NKAIN3: variants seen among roughly 807,000 people sequenced by gnomAD.
NKAIN3 encodes the protein sodium/potassium transporting ATPase interacting 3.
In NKAIN3, 25 loss-of-function variants were observed where a neutral mutation model predicts 30.2. The ratio of observed to expected loss-of-function variants is 0.83; its 90% CI spans 0.60 to 1.16. The LOEUF is 1.16. Among genes scored for constraint, NKAIN3 ranks in the 50% most tolerant of loss-of-function variants. The probability of loss-of-function intolerance (pLI) is 0.00; values close to 1 mark genes in which losing one functional copy is unlikely to be tolerated. For missense variants in NKAIN3, 225 were observed against 254.1 expected (o/e 0.89, Z 0.78); for synonymous variants, 91 against 89.6 (o/e 1.02, Z -0.09).
intron 1 of NKAIN3, among the ~76,000 whole-genome samples, chr8:62,283,493 A>G (rs1175633192): frequency 6.6e-6 from 1 of 152,178 alleles, no homozygotes; most frequent in Non-Finnish European, 1.5e-5. Flanking sequence ...ATCCCTTACT[A>G]GAAAATTTTC....
At chr8:62,846,281 T>G (rs1819686312) in intron 4 of NKAIN3, among the ~76,000 whole-genome samples, 1 of 152,190 alleles carries the variant, frequency 6.6e-6, no homozygotes, top group Non-Finnish European at 1.5e-5. Flanking sequence ...AGTTCCCTTT[T>G]AAATAACAGA....
At chr8:62,560,864 G>A (rs191959810) in intron 1 of NKAIN3, among the ~76,000 whole-genome samples, 2 of 152,040 alleles carry the variant, frequency 1.3e-5, no homozygotes, top group Admixed American at 6.6e-5. Flanking sequence ...CCTTTCTGTT[G>A]TAGATCCTAT....
chr8:62,466,059 A>G (rs1223031670), intron 1 of NKAIN3, among the ~76,000 whole-genome samples: 2 of 152,068 alleles, frequency 1.3e-5, no homozygotes, highest in African/African-American at 4.8e-5. Context: ...GTTTTGAGAG[A>G]CACGATAGCA....
chr8:62,824,830 G>A (rs971061758), intron 4 of NKAIN3, among the ~76,000 whole-genome samples: 3 of 152,108 alleles, frequency 2.0e-5, no homozygotes, highest in African/African-American at 7.2e-5. Flanking sequence ...AACTGCACTA[G>A]AATTAGCCCC....
chr8:62,808,809 G>A (rs1818389134), intron 4 of NKAIN3, among the ~76,000 whole-genome samples: 1 of 152,004 alleles, frequency 6.6e-6, no homozygotes, highest in East Asian at 1.9e-4. Flanking sequence ...TGTCCCACTG[G>A]GCATGCATTG....
rs373601599 is a variant in NKAIN3 at position 62,720,879 on chromosome 8, A to C, written c.274-26053A>C. Among the ~76,000 whole-genome samples the C allele has an allele frequency of 3.3e-5, 5 of 152,328 alleles. No individual in the cohort carries two copies. The South Asian group carries it at 1.0e-3, about 32-fold the overall frequency. ...GCTGATATGTTTTCAGCACCCTTTC[A>C]CTTAACTGTACTTTGGAGTTTTTGC... On this transcript the variant is annotated intron_variant, in intron 3 of 6. Coordinates refer to ENST00000623646, the MANE Select transcript of NKAIN3 (RefSeq NM_001304533.3).
At chr8:62,653,548 A>T (rs1409434932) in intron 3 of NKAIN3, among the ~76,000 whole-genome samples, 1 of 152,206 alleles carries the variant, frequency 6.6e-6, no homozygotes, top group Non-Finnish European at 1.5e-5. Context: ...CTTCAAAGAA[A>T]TAAAAATATA....
chr8:62,654,157 C>T (rs1417334284), intron 3 of NKAIN3, among the ~76,000 whole-genome samples: 11 of 132,544 alleles, frequency 8.3e-5, no homozygotes, highest in Admixed American at 3.7e-4. Flanking sequence ...GAATGAAATG[C>T]TTAAAATAAT....
intron 4 of NKAIN3, chr8:62,857,019 T>C: frequency 3.9e-6 from 2 of 517,736 alleles, no homozygotes; most frequent in Non-Finnish European, 7.6e-6. Context: ...GCTTCAAGGT[T>C]CTCTTCTTGT....
intron 5 of NKAIN3, among the ~76,000 whole-genome samples, chr8:62,994,322 T>C (rs1469969180): frequency 6.6e-6 from 1 of 152,110 alleles, no homozygotes; most frequent in African/African-American, 2.4e-5. Context: ...ATTTCCAAGA[T>C]AGGGTAAAGG....
intron 1 of NKAIN3, among the ~76,000 whole-genome samples, chr8:62,335,798 C>T (rs1411512267): frequency 6.6e-6 from 1 of 152,006 alleles, no homozygotes; most frequent in Non-Finnish European, 1.5e-5. Flanking sequence ...TCCTCCTTTT[C>T]CATAAAAACT....
intron 3 of NKAIN3, among the ~76,000 whole-genome samples, chr8:62,635,925 G>T (rs904003519): frequency 6.6e-6 from 1 of 152,068 alleles, no homozygotes; most frequent in Non-Finnish European, 1.5e-5. Context: ...ACTATAATTT[G>T]GAAAAATCCA....
chr8:62,698,487 C>T (rs1049999045), intron 3 of NKAIN3, among the ~76,000 whole-genome samples: 1 of 152,164 alleles, frequency 6.6e-6, no homozygotes, highest in African/African-American at 2.4e-5. Flanking sequence ...AGCACACACA[C>T]CCTCTCACTT....
intron 4 of NKAIN3, among the ~76,000 whole-genome samples, chr8:62,793,285 G>A (rs756406034): frequency 6.6e-6 from 1 of 151,838 alleles, no homozygotes; most frequent in Non-Finnish European, 1.5e-5. Flanking sequence ...CCCATAGCTT[G>A]CTGGTTTTTT....
At chr8:62,492,198 A>G (rs186243511) in intron 1 of NKAIN3, among the ~76,000 whole-genome samples, 1 of 152,212 alleles carries the variant, frequency 6.6e-6, no homozygotes, top group Non-Finnish European at 1.5e-5. Flanking sequence ...ATTTTAGTAG[A>G]GCTTAGTGAT....
At chr8:62,280,956 C>A (rs35951687) in intron 1 of NKAIN3, among the ~76,000 whole-genome samples, 115 of 152,280 alleles carry the variant, frequency 7.6e-4, no homozygotes, top group African/African-American at 2.7e-3. Context: ...ATGGTACCAG[C>A]TCCTCCTTGT....
In NKAIN3 at chr8:62,541,347, T is replaced by C. The variant is rs545831145; in HGVS notation, c.55-38192T>C. 1.2e-3 allele frequency among the ~76,000 whole-genome samples: 183 copies of C among 151,992 alleles called. No individual in the cohort carries two copies. In the Middle Eastern group the frequency reaches 0.017, roughly 14 times the overall value. ...AACAAACAAATAAAAAATAAATAAA[T>C]AATGCAATTTAAAAAAGAAGTCCAA... On this transcript the variant is annotated intron_variant, in intron 1 of 6. Transcript: ENST00000623646.
chr8:62,326,024 TC>T (rs1297111602), intron 1 of NKAIN3, among the ~76,000 whole-genome samples: 7 of 152,008 alleles, frequency 4.6e-5, no homozygotes, highest in Non-Finnish European at 1.0e-4. Context: ...TTTAATTAGC[TC>T]CCATTTATTA....
intron 3 of NKAIN3, among the ~76,000 whole-genome samples, chr8:62,729,939 T>C (rs991695684): frequency 5.9e-5 from 9 of 152,196 alleles, no homozygotes; most frequent in African/African-American, 2.2e-4. Flanking sequence ...TAGCATATGC[T>C]CATTTTAAAC....
Sources: gnomAD v4.1 joint callset for allele counts (sites outside exome capture counted in the v4.1 genomes callset) on GRCh38, gnomAD v4.1.1 for gene constraint, MANE v1.5 for transcripts, NCBI Gene and HGNC (gene_info 2026-07-23, HGNC 2026-07-21) for gene names.